The following ACIN1 variants were observed in gnomAD, a reference collection of about 807,000 sequenced individuals.
ACIN1 encodes the protein apoptotic chromatin condensation inducer in the nucleus.
Under a neutral mutation model 146.6 loss-of-function variants are expected in ACIN1, and 16 were observed. The observed-to-expected ratio is 0.11, with a 90% CI of 0.07 to 0.17. The LOEUF is 0.17. ACIN1 is among the 10% of genes least tolerant of loss of function. The pLI is 1.00. For missense variants in ACIN1, 1,357 were observed against 1,609.3 expected (o/e 0.84, Z 2.68); for synonymous variants, 569 against 582.7 (o/e 0.98, Z 0.34).
chr14:23,089,978 G>A lies in ACIN1; in HGVS notation c.436+4C>T, dbSNP rs761220581. 95 of 1,608,754 alleles carry A rather than the reference G, an allele frequency of 5.9e-5. No individual in the cohort carries two copies. Among genetic ancestry groups the A allele is most frequent in the Non-Finnish European group, 7.4e-5 (87 of 1,177,452 alleles). On this transcript the variant is annotated splice_donor_region_variant and intron_variant, in intron 4 of 18. Transcript: ENST00000605057. ...AACAGCGCAGTGGGGAGGGAGATAC[G>A]TACTGGGCGAATGTCTGCTGAGCTC...
At chr14:23,069,355 G>A in intron 9 of ACIN1, 121 bp downstream of exon 9, 3 of 1,474,642 alleles carry the variant, frequency 2.0e-6, no homozygotes, top group Non-Finnish European at 2.7e-6. Flanking sequence ...TCTGATCCAA[G>A]TCCCTGCCTC....
rs2047321499 is a variant in ACIN1, at chr14:23,062,534, A to G, written c.2884-11T>C. The G allele has an allele frequency of 2.5e-6, 4 of 1,613,178 alleles. No individual in the cohort carries two copies. Among genetic ancestry groups the G allele is most frequent in the Non-Finnish European group, 2.5e-6 (3 of 1,179,136 alleles). ...AGTGAAAGGACGGACCTGCCAATGA[A>G]AATAGACTTTCAGGGTCTAGCAGAA... On this transcript the variant is annotated splice_polypyrimidine_tract_variant and intron_variant, in intron 14 of 18. Coordinates refer to ENST00000605057, the MANE Select transcript of ACIN1 (RefSeq NM_001386863.1).
intron 8 of ACIN1, chr14:23,077,914 A>G: frequency 3.2e-6 from 1 of 316,918 alleles, no homozygotes; most frequent in South Asian, 5.7e-5. Context: ...GGAGTTGACT[A>G]TTTTGGCTGG....
At chr14:23,094,551 G>T (rs977873693) in intron 1 of ACIN1, 2 of 985,088 alleles carry the variant, frequency 2.0e-6, no homozygotes, top group Non-Finnish European at 2.4e-6. Flanking sequence ...TGCAGATACC[G>T]ATACCAACCC....
intron 8 of ACIN1, among the ~76,000 whole-genome samples, chr14:23,072,182 G>T (rs1394342537): frequency 6.6e-6 from 1 of 152,182 alleles, no homozygotes; most frequent in Non-Finnish European, 1.5e-5. Context: ...ATGGTGGAGG[G>T]AAGTGGATAG....
chr14:23,061,171 C>G lies in ACIN1; in HGVS notation c.3438G>C (p.Glu1146Asp). 1 of 1,614,128 alleles carries G rather than the reference C, an allele frequency of 6.2e-7. No homozygotes were observed. Among genetic ancestry groups the G allele is most frequent in the Non-Finnish European group, 8.5e-7 (1 of 1,180,034 alleles). ...KKSEKKEKAQ[E>D]EPPAKLLDDL... is the part of the protein sequence containing the mutation. The stretch of plus-strand genomic sequence containing the variant: ...CATCCAGCAGCTTGGCAGGTGGTTC[C>G]TCCTGGGCTTTCTCTGAGGTGGAAA... The change falls in exon 18 of 19, where the codon GAG becomes GAC. Residue 1146 changes from glutamate (E) to aspartate (D), a missense_variant. Coordinates refer to ENST00000605057, the MANE Select transcript of ACIN1 (RefSeq NM_001386863.1).
At position 23,062,320 on chromosome 14, in the gene ACIN1, A is replaced by T. The variant is rs112851700; in HGVS notation, c.2992-45T>A. The T allele has an allele frequency of 3.5e-3, 5,629 of 1,597,236 alleles. 189 individuals carry two copies. In the African/African-American group the frequency reaches 0.064, roughly 18 times the overall value. ...GATGGAGGGTCACAGTGTGTCTGCAACCCTTCCCACGTGCTGCAACACCCT... is the reference window on the plus strand; with the variant it reads ...GATGGAGGGTCACAGTGTGTCTGCATCCCTTCCCACGTGCTGCAACACCCT... On this transcript the variant is annotated intron_variant, in intron 15 of 18. Transcript: ENST00000605057.
Position 23,078,894 on chromosome 14 carries a change from A to C in ACIN1, c.1933T>G (p.Ser645Ala). 1 of 1,614,026 alleles carries C rather than the reference A, an allele frequency of 6.2e-7. No homozygotes were observed. Among genetic ancestry groups the C allele is most frequent in the Non-Finnish European group, 8.5e-7 (1 of 1,180,028 alleles). ...TGACTCAGACGCCTTGCTTGGACAG[A>C]GGATGAGGAGGTGGAAGTCCTCTCC... ...PKERTSTSSS[S>A]VQARRLSQPE... is the part of the protein sequence containing the mutation. The change falls in exon 7 of 19, where the codon TCT becomes GCT. Residue 645 changes from serine to alanine, a missense_variant. Transcript: ENST00000605057.
chr14:23,066,118 AGAGT>A (rs1235311046), intron 9 of ACIN1, 110 bp from the exon 10 acceptor site: 7 of 779,766 alleles, frequency 9.0e-6, no homozygotes, highest in African/African-American at 3.5e-5. Flanking sequence ...AGACACAGAT[AGAGT>A]GAGAGAGAGA....
chr14:23,071,006 C>T (rs1034068859), intron 8 of ACIN1: 5 of 1,166,456 alleles, frequency 4.3e-6, no homozygotes, highest in Non-Finnish European at 4.9e-6. Context: ...AGGGGGAAGG[C>T]AGAATGACTG....
At chr14:23,074,372 C>T (rs1180504810) in intron 8 of ACIN1, among the ~76,000 whole-genome samples, 1 of 151,750 alleles carries the variant, frequency 6.6e-6, no homozygotes, top group Non-Finnish European at 1.5e-5. Flanking sequence ...TTGAGACCAG[C>T]CTGGCCAACA....
intron 8 of ACIN1, chr14:23,076,696 G>GTCAATACCCA (rs1333929499): frequency 9.9e-5 from 15 of 152,172 alleles, no homozygotes; most frequent in African/African-American, 3.4e-4. Context: ...GTAGCAGGCT[G>GTCAATACCCA]TCAATACCCA....
intron 8 of ACIN1, among the ~76,000 whole-genome samples, chr14:23,072,019 T>A (rs2047673155): frequency 1.3e-5 from 2 of 152,138 alleles, no homozygotes; most frequent in Non-Finnish European, 2.9e-5. Context: ...TATCCAGTAA[T>A]CTAGGCATGG....
chr14:23,090,845 A>G (rs933711308), intron 2 of ACIN1, among the ~76,000 whole-genome samples: 3 of 152,254 alleles, frequency 2.0e-5, no homozygotes, highest in African/African-American at 7.2e-5. Context: ...AGAGCTGCAC[A>G]TAAGTTTTTG....
chr14:23,090,153 G>T, intron 3 of ACIN1, 52 bp from the exon 4 acceptor site: 1 of 1,586,982 alleles, frequency 6.3e-7, no homozygotes, highest in Admixed American at 1.7e-5. Context: ...GACTCAGCAT[G>T]TAGGAATATG....
Position 23,089,980 on chromosome 14 carries a change from A to C in ACIN1, c.436+2T>G. The C allele has an allele frequency of 6.2e-7, 1 of 1,609,282 alleles. No individual in the cohort carries two copies. Among genetic ancestry groups the C allele is most frequent in the Non-Finnish European group, 8.5e-7 (1 of 1,177,660 alleles). Reference sequence around the variant, plus strand: ...CAGCGCAGTGGGGAGGGAGATACGTACTGGGCGAATGTCTGCTGAGCTCCA... The same window carrying C: ...CAGCGCAGTGGGGAGGGAGATACGTCCTGGGCGAATGTCTGCTGAGCTCCA... On this transcript the variant is annotated splice_donor_variant, in intron 4 of 18. Transcript: ENST00000605057. LOFTEE classifies it high-confidence loss of function.
chr14:23,077,988 A>G, intron 8 of ACIN1, 163 bp downstream of exon 8: 1 of 592,044 alleles, frequency 1.7e-6, no homozygotes, highest in Non-Finnish European at 2.8e-6. Context: ...TAAAGGTGGC[A>G]GCTCCCAACA....
At chr14:23,073,644 G>A (rs1255246681) in intron 8 of ACIN1, among the ~76,000 whole-genome samples, 1 of 152,044 alleles carries the variant, frequency 6.6e-6, no homozygotes, top group Non-Finnish European at 1.5e-5. Context: ...GGCAACAAGA[G>A]CAAAACTCCA....
Position 23,069,632 on chromosome 14 carries a change from GAGTGGTGGT to G in ACIN1, c.2124-24_2124-16del. ...CCTTCTCCTCACTGACAGGAGGGGG[GAGTGGTGGT>G]GGGGGGGCGGGCAGAAAAGAACCAA... On this transcript the variant is annotated splice_polypyrimidine_tract_variant and intron_variant, in intron 8 of 18. Transcript: ENST00000605057. The G allele has an allele frequency of 1.9e-6, 2 of 1,054,390 alleles. No individual in the cohort carries two copies. The highest frequency in any genetic ancestry group is 1.6e-5 in the African/African-American group (1 of 61,974). The allele number at this position is 1,054,390 out of a possible 1,614,324, so 65.3% of individuals were successfully genotyped here.
Sources: gnomAD v4.1 joint callset for allele counts (sites outside exome capture counted in the v4.1 genomes callset) on GRCh38, gnomAD v4.1.1 for gene constraint, MANE v1.5 for transcripts, NCBI Gene and HGNC (gene_info 2026-07-23, HGNC 2026-07-21) for gene names.